SKAP1: variants seen among roughly 807,000 people sequenced by gnomAD.
The protein encoded by SKAP1 is src kinase associated phosphoprotein 1, also known as src kinase-associated phosphoprotein 1.
Under a neutral mutation model 58.5 loss-of-function variants are expected in SKAP1, and 44 were observed. The observed-to-expected ratio is 0.75, with a 90% CI of 0.59 to 0.97. The LOEUF (loss-of-function observed/expected upper bound fraction) is 0.97. SKAP1 is among the 50% of genes least tolerant of loss of function. SKAP1 has a pLI of 0.00. For synonymous variants in SKAP1, 127 were observed against 149.7 expected, an observed-to-expected ratio of 0.85 and a Z score of 1.11; for missense variants, 390 against 435.2, an observed-to-expected ratio of 0.90 and a Z score of 0.92.
At chr17:48,218,897 C>T (rs2064971324) in intron 4 of SKAP1, among the ~76,000 whole-genome samples, 1 of 151,814 alleles carries the variant, frequency 6.6e-6, no homozygotes. Flanking sequence ...AAAAAAAAAC[C>T]CTCATGGGGT....
intron 1 of SKAP1, among the ~76,000 whole-genome samples, chr17:48,411,402 T>C (rs1186004515): frequency 8.8e-6 from 1 of 113,076 alleles, no homozygotes; most frequent in Non-Finnish European, 2.2e-5. Context: ...CCATCTCAAA[T>C]AAATAAATAA....
chr17:48,193,759 C>A, intron 4 of SKAP1: 3 of 983,948 alleles, frequency 3.0e-6, no homozygotes, highest in Non-Finnish European at 3.6e-6. Context: ...ATCTTGTATG[C>A]CTGGATCCAC....
At chr17:48,403,199 CA>C (rs34653121) in intron 1 of SKAP1, among the ~76,000 whole-genome samples, 178 of 89,392 alleles carry the variant, frequency 2.0e-3, no homozygotes, top group Admixed American at 4.8e-3. Flanking sequence ...CCTGTCTCTA[CA>C]AAAAAAAAAA....
chr17:48,399,469 T>C (rs950249134), intron 1 of SKAP1, among the ~76,000 whole-genome samples: 2 of 152,018 alleles, frequency 1.3e-5, no homozygotes, highest in Non-Finnish European at 2.9e-5. Context: ...TACTTAATGA[T>C]TAAAGACTGG....
At chr17:48,434,336 A>G (rs1598698625), upstream of SKAP1, among the ~76,000 whole-genome samples, 1 of 152,230 alleles carries the variant, frequency 6.6e-6, no homozygotes, top group Admixed American at 6.5e-5. Flanking sequence ...GCCACCTTGA[A>G]GGCAGAGGAG....
At chr17:48,390,193 C>T (rs916269157) in intron 2 of SKAP1, among the ~76,000 whole-genome samples, 2 of 152,052 alleles carry the variant, frequency 1.3e-5, no homozygotes, top group African/African-American at 4.8e-5. Context: ...AGAAAACATG[C>T]AAATTAGAGA....
At chr17:48,172,076 AC>A (rs1300412824) in intron 9 of SKAP1, among the ~76,000 whole-genome samples, 3 of 152,152 alleles carry the variant, frequency 2.0e-5, no homozygotes, top group Admixed American at 1.3e-4. Context: ...AAAACAAAAA[AC>A]AAAAAACCCT....
intron 4 of SKAP1, among the ~76,000 whole-genome samples, chr17:48,331,978 A>C (rs1039416065): frequency 6.6e-6 from 1 of 152,148 alleles, no homozygotes; most frequent in African/African-American, 2.4e-5. Flanking sequence ...CCTTCCCAAT[A>C]AAATTTTGTC....
At chr17:48,153,894 T>TAAA (rs1259590946) in intron 11 of SKAP1, among the ~76,000 whole-genome samples, 5 of 99,248 alleles carry the variant, frequency 5.0e-5, no homozygotes, top group Non-Finnish European at 6.6e-5. Context: ...GCCCTGAAAT[T>TAAA]AAAAAAAAAA....
At chr17:48,186,832 G>T (rs1387796695) in intron 6 of SKAP1, among the ~76,000 whole-genome samples, 1 of 152,230 alleles carries the variant, frequency 6.6e-6, no homozygotes, top group Non-Finnish European at 1.5e-5. Context: ...AGGCAACTGG[G>T]TGGGTGTCTG....
chr17:48,435,813 C>T, the SKAP1 span, among the ~76,000 whole-genome samples: 30,491 of 152,124 alleles, frequency 0.2, 3,101 homozygotes, highest in Admixed American at 0.22. Context: ...CTCTCGCCTG[C>T]ACTGCACATG....
At chr17:48,171,100 T>G (rs1365290980) in intron 9 of SKAP1, among the ~76,000 whole-genome samples, 1 of 144,592 alleles carries the variant, frequency 6.9e-6, no homozygotes, top group Non-Finnish European at 1.5e-5. Flanking sequence ...GTTGTTTTTT[T>G]TTTTTTTTTT....
chr17:48,203,420 T>C (rs549465193), intron 4 of SKAP1, among the ~76,000 whole-genome samples: 7 of 152,318 alleles, frequency 4.6e-5, no homozygotes, highest in African/African-American at 1.4e-4. Context: ...TCGGTATTGC[T>C]GTATAAGTTT....
intron 1 of SKAP1, among the ~76,000 whole-genome samples, chr17:48,408,876 C>T (rs2067624850): frequency 6.6e-6 from 1 of 152,148 alleles, no homozygotes; most frequent in African/African-American, 2.4e-5. Flanking sequence ...CTGCAGGTGC[C>T]TGAGCAACTT....
At chr17:48,363,429 G>T (rs1253454010) in intron 3 of SKAP1, among the ~76,000 whole-genome samples, 1 of 152,178 alleles carries the variant, frequency 6.6e-6, no homozygotes, top group Non-Finnish European at 1.5e-5. Context: ...GCAAATGAAG[G>T]ATTAGCTGAG....
At chr17:48,166,687 T>C (rs911813602) in intron 10 of SKAP1, among the ~76,000 whole-genome samples, 8 of 152,224 alleles carry the variant, frequency 5.3e-5, no homozygotes, top group Non-Finnish European at 1.2e-4. Flanking sequence ...TCTTAAGTTA[T>C]GGAAAAGAGA....
At chr17:48,259,805 T>C (rs910483442) in intron 4 of SKAP1, among the ~76,000 whole-genome samples, 1 of 152,176 alleles carries the variant, frequency 6.6e-6, no homozygotes, top group African/African-American at 2.4e-5. Context: ...TACAGTTTTC[T>C]TGACAGTAAT....
chr17:48,435,764 GGT>G, the SKAP1 span, among the ~76,000 whole-genome samples: 1 of 152,332 alleles, frequency 6.6e-6, no homozygotes, highest in South Asian at 2.1e-4. Flanking sequence ...GGGGATTCAA[GGT>G]GAGAGAAGGG....
chr17:48,221,059 G>A (rs542817575), intron 4 of SKAP1, among the ~76,000 whole-genome samples: 21 of 151,942 alleles, frequency 1.4e-4, no homozygotes, highest in Middle Eastern at 3.2e-3. Context: ...ACGAGGTCAG[G>A]ACTTCCAGAC....
Sources: allele counts gnomAD v4.1 joint callset (sites outside exome capture counted in the v4.1 genomes callset), GRCh38; gene constraint gnomAD v4.1.1; transcripts MANE v1.5; gene names NCBI Gene and HGNC (gene_info 2026-07-23, HGNC 2026-07-21).